PPM1H: variants seen among roughly 807,000 people sequenced by gnomAD.
PPM1H encodes the protein protein phosphatase 1H.
In PPM1H, 27 loss-of-function variants were observed where a neutral mutation model predicts 54.9. The observed-to-expected ratio is 0.49, with a 90% confidence interval of 0.36 to 0.68. The LOEUF is 0.68. Ranked by LOEUF, PPM1H falls within the 30% of genes least tolerant of loss-of-function variation. The pLI is 0.00. For synonymous variants in PPM1H, 305 were observed against 270.8 expected (o/e 1.13, Z -1.24); for missense variants, 596 against 667.8 (o/e 0.89, Z 1.19).
intron 1 of PPM1H, among the ~76,000 whole-genome samples, chr12:62,878,455 T>C (rs1337215219): frequency 3.3e-5 from 5 of 151,916 alleles, no homozygotes; most frequent in African/African-American, 9.7e-5. Flanking sequence ...TACTATTTTT[T>C]GCTAATTTTA....
intron 3 of PPM1H, among the ~76,000 whole-genome samples, chr12:62,796,571 G>T (rs949398681): frequency 6.6e-6 from 1 of 152,178 alleles, no homozygotes; most frequent in Non-Finnish European, 1.5e-5. Context: ...GAGCTTCCAT[G>T]CCCTCACTTG....
chr12:62,827,423 G>T (rs926066685), intron 2 of PPM1H, among the ~76,000 whole-genome samples: 3 of 152,102 alleles, frequency 2.0e-5, no homozygotes, highest in Admixed American at 1.3e-4. Context: ...TTCTGCATGA[G>T]CCTCCTAACT....
chr12:62,838,157 G>T (rs999626676), intron 1 of PPM1H, among the ~76,000 whole-genome samples: 20 of 152,148 alleles, frequency 1.3e-4, no homozygotes, highest in African/African-American at 4.6e-4. Context: ...GTCTTGCTTT[G>T]TTTTCAAGGA....
At chr12:62,778,070 T>C (rs970609286) in intron 4 of PPM1H, among the ~76,000 whole-genome samples, 2 of 152,218 alleles carry the variant, frequency 1.3e-5, no homozygotes, top group Admixed American at 1.3e-4. Flanking sequence ...AAGCTGAACT[T>C]ACTGCATCTC....
At chr12:62,729,136 G>A (rs147550603) in intron 5 of PPM1H, among the ~76,000 whole-genome samples, 110 of 152,314 alleles carry the variant, frequency 7.2e-4, no homozygotes, top group African/African-American at 2.6e-3. Context: ...TCTGCTCAGA[G>A]CTGACCCACA....
intron 1 of PPM1H, among the ~76,000 whole-genome samples, chr12:62,876,741 A>T (rs149971002): frequency 6.8e-4 from 103 of 152,322 alleles, no homozygotes; most frequent in Middle Eastern, 3.4e-3. Flanking sequence ...ATGGGGGCTG[A>T]GTGCCACTTC....
intron 6 of PPM1H, among the ~76,000 whole-genome samples, chr12:62,694,619 G>A (rs1333664834): frequency 6.6e-6 from 1 of 152,188 alleles, no homozygotes; most frequent in African/African-American, 2.4e-5. Flanking sequence ...AGCGGAGGCG[G>A]GTAAGATGAA....
chr12:62,720,357 G>A (rs1420965499), intron 5 of PPM1H, 68 bp from the exon 6 acceptor site: 6 of 1,279,330 alleles, frequency 4.7e-6, no homozygotes, highest in African/African-American at 3.0e-5. Flanking sequence ...TAAGAATCAA[G>A]GATGTTTTGC....
intron 9 of PPM1H, among the ~76,000 whole-genome samples, chr12:62,654,604 T>A (rs147424003): frequency 1.3e-5 from 2 of 152,320 alleles, no homozygotes; most frequent in Non-Finnish European, 2.9e-5. Context: ...GTACTTTACT[T>A]CCCTTCGTTC....
chr12:62,726,306 A>G (rs1040167562), intron 5 of PPM1H, among the ~76,000 whole-genome samples: 2 of 152,252 alleles, frequency 1.3e-5, no homozygotes, highest in Non-Finnish European at 2.9e-5. Context: ...CTTTTTGTGC[A>G]ATCATAAAAG....
intron 1 of PPM1H, among the ~76,000 whole-genome samples, chr12:62,903,655 G>A (rs547526271): frequency 1.3e-5 from 2 of 150,634 alleles, no homozygotes; most frequent in South Asian, 2.1e-4. Flanking sequence ...CATAAGACAC[G>A]AATAATCAAC....
chr12:62,744,327 T>C (rs914251048), intron 4 of PPM1H, among the ~76,000 whole-genome samples: 6 of 151,854 alleles, frequency 4.0e-5, no homozygotes, highest in African/African-American at 1.2e-4. Context: ...AAAAATTAGC[T>C]GGGCGTGGTG....
Position 62,783,919 on chromosome 12 carries a change from AG to A in PPM1H, c.869+4306del, listed in dbSNP as rs1234565388. On this transcript the variant is annotated intron_variant, in intron 4 of 9. Transcript: ENST00000228705. ...TGAAATGAAATGATCTCTAAAATGGAGTTCCTAAACTGAAGAATCAGTCAGA... is the reference window on the plus strand; with the variant it reads ...TGAAATGAAATGATCTCTAAAATGGATTCCTAAACTGAAGAATCAGTCAGA... Among the ~76,000 whole-genome samples, 9 of 152,286 alleles carry A rather than the reference AG, an allele frequency of 5.9e-5. 1 individual carries two copies. In the South Asian group the frequency reaches 1.9e-3, roughly 32 times the overall value.
rs549745215 is a variant in PPM1H, at chr12:62,898,864, C to T, written c.245+35628G>A. On this transcript the variant is annotated intron_variant, in intron 1 of 9. Coordinates refer to ENST00000228705, the MANE Select transcript of PPM1H (RefSeq NM_020700.2). ...CATTAAAGTTTGTGTACCCTCTACTCCTTACTGAAGGAAAACAGGAAAGTC... is the reference window on the plus strand; with the variant it reads ...CATTAAAGTTTGTGTACCCTCTACTTCTTACTGAAGGAAAACAGGAAAGTC... Among the ~76,000 whole-genome samples, 49 of 152,270 alleles carry T rather than the reference C, an allele frequency of 3.2e-4. 2 individuals are homozygous for T. In the South Asian group the frequency reaches 9.8e-3, roughly 30 times the overall value.
chr12:62,863,349 T>C (rs924030963), intron 1 of PPM1H, among the ~76,000 whole-genome samples: 9 of 152,170 alleles, frequency 5.9e-5, no homozygotes, highest in African/African-American at 1.7e-4. Context: ...TAAGTAAAAA[T>C]GATTATAACT....
rs529957017 is a variant in PPM1H, at chr12:62,910,304, A to G, written c.245+24188T>C. On this transcript the variant is annotated intron_variant, in intron 1 of 9. Transcript: ENST00000228705. ...TGAATACATTGGGATGCTTATGTCT[A>G]TTTATATTAATCAGTTTAAGATGTG... Among the ~76,000 whole-genome samples, 30 of 152,322 alleles carry G rather than the reference A, an allele frequency of 2.0e-4. No homozygotes were observed. The South Asian group carries it at 4.4e-3, about 22-fold the overall frequency.
At chr12:62,842,735 A>G (rs1444942756) in intron 1 of PPM1H, among the ~76,000 whole-genome samples, 2 of 152,204 alleles carry the variant, frequency 1.3e-5, no homozygotes, top group African/African-American at 4.8e-5. Flanking sequence ...ACCTTCACAT[A>G]GGAGGCCACT....
At chr12:62,701,384 T>G (rs56845747) in intron 6 of PPM1H, among the ~76,000 whole-genome samples, 1,838 of 152,322 alleles carry the variant, frequency 0.012, 27 homozygotes, top group African/African-American at 0.042. Flanking sequence ...TTTACCCTAA[T>G]GAGCAGCAGT....
At chr12:62,739,256 C>T (rs11174628) in intron 4 of PPM1H, among the ~76,000 whole-genome samples, 16,004 of 152,126 alleles carry the variant, frequency 0.11, 1,071 homozygotes, top group East Asian at 0.24. Flanking sequence ...CACTATTACC[C>T]CACCCCCACT....
Sources: allele counts gnomAD v4.1 joint callset (sites outside exome capture counted in the v4.1 genomes callset), GRCh38; gene constraint gnomAD v4.1.1; transcripts MANE v1.5; gene names NCBI Gene and HGNC (gene_info 2026-07-23, HGNC 2026-07-21).